The following TAMALIN variants were observed in gnomAD, a reference collection of about 807,000 sequenced individuals.
The protein encoded by TAMALIN is trafficking regulator and scaffold protein tamalin.
Under a neutral mutation model 38.5 loss-of-function variants are expected in TAMALIN, and 9 were observed. The ratio of observed to expected loss-of-function variants is 0.23; its 90% CI spans 0.14 to 0.41. TAMALIN has a LOEUF of 0.41. Ranked by LOEUF, TAMALIN falls within the 10% of genes least tolerant of loss-of-function variation. TAMALIN has a pLI of 1.00. For synonymous variants in TAMALIN, 306 were observed against 256.5 expected, an observed-to-expected ratio of 1.19 and a Z score of -1.85; for missense variants, 548 against 554.1, an observed-to-expected ratio of 0.99 and a Z score of 0.11.
chr12:52,007,011 G>T lies in TAMALIN; in HGVS notation c.-9G>T, dbSNP rs1942421948. The T allele has an allele frequency of 6.5e-6, 9 of 1,382,572 alleles. No homozygotes were observed. Among genetic ancestry groups the T allele is most frequent in the Non-Finnish European group, 8.4e-6 (9 of 1,074,080 alleles). 85.6% of individuals were successfully genotyped at this position (1,382,572 alleles called of 1,614,324 possible). The stretch of plus-strand genomic sequence containing the variant: ...GCGCCGTCTCTGAGGGGCGTCCGGC[G>T]CCGGAGCCATGACCCTCCGCCGACT... On this transcript the variant is annotated 5_prime_UTR_variant, in exon 1 of 8. Transcript: ENST00000293662. The surrounding 1 kb of genome is among the most constrained non-coding windows in gnomAD (Gnocchi z 6.7).
At position 52,015,003 on chromosome 12, in the gene TAMALIN, G is replaced by A; in HGVS notation, c.992G>A (p.Ser331Asn). ...GGGCCGCGGGCCGCGCTGAGCCGCA[G>A]CGCCAGTGTGCGGTGCGCGGGCCCT... The part of the protein sequence containing the change: ...GPGPRAALSR[S>N]ASVRCAGPGG... Residue 331 changes from serine to asparagine, a missense_variant, in exon 8 of 8, where the codon AGC becomes AAC. Transcript: ENST00000293662. 1 of 1,041,980 alleles carries A rather than the reference G, an allele frequency of 9.6e-7. No homozygotes were observed. The highest frequency in any genetic ancestry group is 1.2e-6 in the Non-Finnish European group (1 of 861,992). 64.5% of individuals were successfully genotyped at this position (1,041,980 alleles called of 1,614,324 possible). A position where few individuals can be genotyped will look rare whatever the true frequency, so the allele number is the denominator to read the frequency against.
In TAMALIN at chr12:52,014,150, AAG is replaced by A; in HGVS notation, c.632_633del (p.Lys211MetfsTer143). 1 of 1,604,632 alleles carries A rather than the reference AAG, an allele frequency of 6.2e-7. No homozygotes were observed. The highest frequency in any genetic ancestry group is 8.5e-7 in the Non-Finnish European group (1 of 1,175,304). On this transcript the variant is annotated frameshift_variant, in exon 7 of 8. Coordinates refer to ENST00000293662, the MANE Select transcript of TAMALIN (RefSeq NM_181711.4). LOFTEE classifies it high-confidence loss of function. ...LQYLKQTLYE[K>X]WGEYRSLMVQ... is the part of the protein sequence containing the mutation. Reference sequence around the variant, plus strand: ...TCTCTTGCAGCAAACCCTGTATGAGAAGTGGGGAGAGTACAGGTCCCTAATGG... The same window carrying A: ...TCTCTTGCAGCAAACCCTGTATGAGATGGGGAGAGTACAGGTCCCTAATGG...
At chr12:52,014,068 G>C (rs1457872625) in intron 6 of TAMALIN, 67 bp from the exon 7 acceptor site, 2 of 1,565,954 alleles carry the variant, frequency 1.3e-6, no homozygotes, top group African/African-American at 1.4e-5. Context: ...CTGATCCCTC[G>C]TCTGTACCCA....
chr12:52,015,087 CCCTATGCGGCCCCGG>C lies in TAMALIN; in HGVS notation c.1080_1094del (p.Cys361_Leu365del). ...CTCTGGACTGAGGCTCGCGAGCAGG[CCCTATGCGGCCCCGG>C]CCTGCGCAAAACCAAGTACCGCAGC... On this transcript the variant is annotated inframe_deletion, in exon 8 of 8. Transcript: ENST00000293662. 1 of 1,539,452 alleles carries C rather than the reference CCCTATGCGGCCCCGG, an allele frequency of 6.5e-7. No homozygotes were observed. Among genetic ancestry groups the C allele is most frequent in the Non-Finnish European group, 8.7e-7 (1 of 1,150,956 alleles).
At chr12:52,014,498 G>A in intron 7 of TAMALIN, 196 bp from the exon 8 acceptor site, 1 of 602,146 alleles carries the variant, frequency 1.7e-6, no homozygotes, top group East Asian at 2.8e-5. Context: ...TGTGCTAAGC[G>A]GCCCCCATAA....
Position 52,014,124 on chromosome 12 carries a change from GTC to G in TAMALIN, c.616-7_616-6del. ...AGCTTGTGACAGTGGGGTGGGGACT[GTC>G]TCTTGCAGCAAACCCTGTATGAGAA... On this transcript the variant is annotated splice_polypyrimidine_tract_variant and intron_variant, in intron 6 of 7. Transcript: ENST00000293662. The G allele has an allele frequency of 2.5e-6, 4 of 1,602,890 alleles. No homozygotes were observed. The highest frequency in any genetic ancestry group is 3.4e-6 in the Non-Finnish European group (4 of 1,174,230).
In TAMALIN at chr12:52,015,095, G is replaced by C; in HGVS notation, c.1084G>C (p.Gly362Arg). 2 of 1,553,608 alleles carry C rather than the reference G, an allele frequency of 1.3e-6. No homozygotes were observed. Among genetic ancestry groups the C allele is most frequent in the East Asian group, 2.4e-5 (1 of 42,058 alleles). The change falls in exon 8 of 8, where the codon GGC (glycine) becomes CGC (arginine). Residue 362 changes from glycine (G) to arginine (R), a missense_variant. Physicochemically the swap from Gly to Arg is moderately radical, Grantham distance 125. Around this residue, in one of 3 missense-constraint regions of TAMALIN, gnomAD observed 415 missense variants for 417.0 expected, o/e 1.00. Coordinates refer to ENST00000293662, the MANE Select transcript of TAMALIN (RefSeq NM_181711.4). ...TGAGGCTCGCGAGCAGGCCCTATGCGGCCCCGGCCTGCGCAAAACCAAGTA... is the reference window on the plus strand; with the variant it reads ...TGAGGCTCGCGAGCAGGCCCTATGCCGCCCCGGCCTGCGCAAAACCAAGTA... ...WTEAREQALC[G>R]PGLRKTKYRS...
At position 52,014,115 on chromosome 12, in the gene TAMALIN, G is replaced by A; in HGVS notation, c.616-20G>A. On this transcript the variant is annotated intron_variant, in intron 6 of 7. Transcript: ENST00000293662. The stretch of plus-strand genomic sequence containing the variant: ...TTTCCTGCTAGCTTGTGACAGTGGG[G>A]TGGGGACTGTCTCTTGCAGCAAACC... 6.2e-7 allele frequency: 1 copy of A among 1,601,686 alleles called. No homozygotes were observed. Among genetic ancestry groups the A allele is most frequent in the Non-Finnish European group, 8.5e-7 (1 of 1,173,208 alleles).
chr12:52,010,747 T>C, intron 2 of TAMALIN, 134 bp from the exon 3 acceptor site: 2 of 1,060,518 alleles, frequency 1.9e-6, no homozygotes, highest in Non-Finnish European at 2.9e-6. Context: ...TAATCTGTGA[T>C]GAGACTGAGC....
At chr12:52,013,567 G>A (rs961032102) in intron 4 of TAMALIN, 120 bp from the exon 5 acceptor site, 43 of 738,628 alleles carry the variant, frequency 5.8e-5, no homozygotes, top group African/African-American at 3.3e-4. Context: ...GTTGGAGGAG[G>A]GAGTTCAGGA....
At chr12:52,008,414 C>A in intron 1 of TAMALIN, 1 of 984,322 alleles carries the variant, frequency 1.0e-6, no homozygotes, top group East Asian at 1.1e-4. Flanking sequence ...CTCCACACCC[C>A]CCACCACCAC....
Position 52,007,838 on chromosome 12 carries a change from C to T in TAMALIN, c.246+573C>T, listed in dbSNP as rs577871407. Reference sequence around the variant, plus strand: ...TACGGGGCGCGAGGGCCACTGCTCCCTGGACTTCTGTCGGAACCGGACGCA... The same window carrying T: ...TACGGGGCGCGAGGGCCACTGCTCCTTGGACTTCTGTCGGAACCGGACGCA... On this transcript the variant is annotated intron_variant, in intron 1 of 7. Coordinates refer to ENST00000293662, the MANE Select transcript of TAMALIN (RefSeq NM_181711.4). The surrounding 1 kb of genome is among the most constrained non-coding windows in gnomAD (Gnocchi z 6.7). 3.0e-6 allele frequency: 3 copies of T among 985,460 alleles called. No individual in the cohort carries two copies. The highest frequency in any genetic ancestry group is 3.5e-5 in the African/African-American group (2 of 57,382). 61.0% of individuals were successfully genotyped at this position (985,460 alleles called of 1,614,324 possible). A position where few individuals can be genotyped will look rare whatever the true frequency, so the allele number is the denominator to read the frequency against.
intron 7 of TAMALIN, 57 bp from the exon 8 acceptor site, chr12:52,014,637 C>T (rs1937742317): frequency 1.5e-6 from 2 of 1,331,562 alleles, no homozygotes; most frequent in Admixed American, 3.0e-5. Flanking sequence ...CGACCCTTTG[C>T]AGAGGCCACC....
intron 2 of TAMALIN, 76 bp downstream of exon 2, chr12:52,009,315 C>A: frequency 7.1e-7 from 1 of 1,402,618 alleles, no homozygotes; most frequent in South Asian, 1.2e-5. Context: ...AGGACAGCAT[C>A]TCAGCCTAGC....
At position 52,014,025 on chromosome 12, in the gene TAMALIN, C is replaced by T. The variant is rs1297967641; in HGVS notation, c.615+82C>T. The T allele has an allele frequency of 3.2e-6, 5 of 1,548,872 alleles. No homozygotes were observed. The Admixed American group carries it at 6.7e-5, about 21-fold the overall frequency. On this transcript the variant is annotated intron_variant, in intron 6 of 7. Coordinates refer to ENST00000293662, the MANE Select transcript of TAMALIN (RefSeq NM_181711.4). The stretch of plus-strand genomic sequence containing the variant: ...TGTGGGGGGTCACTTACAGCTGAAT[C>T]TCCTGTAACTGAAGATTTCTTTTGT...
Position 52,015,321 on chromosome 12 carries a change from C to T in TAMALIN, c.*122C>T. ...GCAGCGGGAGAGGGTCCTTCCTAGC[C>T]TCGGCCCGCCGGGTCGGTTCCTGGC... is the stretch of plus-strand genomic sequence containing the variant. On this transcript the variant is annotated 3_prime_UTR_variant, in exon 8 of 8. Transcript: ENST00000293662. 1 of 1,207,906 alleles carries T rather than the reference C, an allele frequency of 8.3e-7. No homozygotes were observed. Among genetic ancestry groups the T allele is most frequent in the Non-Finnish European group, 1.1e-6 (1 of 917,054 alleles). The allele number at this position is 1,207,906 out of a possible 1,614,324, so 74.8% of individuals were successfully genotyped here. A position where few individuals can be genotyped will look rare whatever the true frequency, so the allele number is the denominator to read the frequency against.
intron 1 of TAMALIN, chr12:52,008,014 T>C (rs1175802119): frequency 5.1e-6 from 5 of 985,326 alleles, no homozygotes; most frequent in African/African-American, 1.7e-5. Context: ...CCTGGTGGCC[T>C]TTCCTCACCC....
Position 52,014,733 on chromosome 12 carries a change from A to C in TAMALIN, c.722A>C (p.Glu241Ala). ...GACCCCAGCATCTACGACACGCTGG[A>C]GTCGGTGCGCTCCTGCCTCTACGGC... ...VKDPSIYDTL[E>A]SVRSCLYGAG... The change falls in exon 8 of 8, where the codon GAG becomes GCG. Residue 241 changes from glutamate (E) to alanine (A), a missense_variant. Physicochemically the swap from Glu to Ala is moderately radical, Grantham distance 107. Transcript: ENST00000293662. 1 of 1,520,940 alleles carries C rather than the reference A, an allele frequency of 6.6e-7. No homozygotes were observed. Among genetic ancestry groups the C allele is most frequent in the Non-Finnish European group, 8.7e-7 (1 of 1,147,448 alleles). 94.2% of individuals were successfully genotyped at this position (1,520,940 alleles called of 1,614,324 possible). A position where few individuals can be genotyped will look rare whatever the true frequency, so the allele number is the denominator to read the frequency against.
chr12:52,008,230 G>C (rs1565629724), intron 1 of TAMALIN: 24 of 985,228 alleles, frequency 2.4e-5, no homozygotes, highest in Non-Finnish European at 2.7e-5. Flanking sequence ...GGCAGCTTTG[G>C]GGGAGGGTTA....
Sources: gnomAD v4.1 joint callset for allele counts on GRCh38, gnomAD v4.1.1 for gene constraint, gnomAD v4.1.1 regional missense constraint, Gnocchi (gnomAD v3.1) non-coding constraint, MANE v1.5 for transcripts, NCBI Gene and HGNC (gene_info 2026-07-23, HGNC 2026-07-21) for gene names.